DIXDC1: variants seen among roughly 807,000 people sequenced by gnomAD.
DIXDC1 encodes DIX domain containing 1.
DIXDC1 carries 64 observed loss-of-function variants against 103.1 expected under a neutral mutation model. That is an observed-to-expected ratio of 0.62 (90% CI 0.51 to 0.76). The LOEUF is 0.76. Among genes scored for constraint, DIXDC1 ranks in the 30% least tolerant of loss-of-function variants. DIXDC1 has a pLI of 0.00. For missense variants in DIXDC1, 759 were observed against 834.2 expected, an observed-to-expected ratio of 0.91 and a Z score of 1.11; for synonymous variants, 266 against 298.5, an observed-to-expected ratio of 0.89 and a Z score of 1.12.
At chr11:111,980,937 C>A in intron 6 of DIXDC1, 88 bp downstream of exon 6, 2 of 1,049,404 alleles carry the variant, frequency 1.9e-6, no homozygotes, top group Non-Finnish European at 2.9e-6. Flanking sequence ...GCTCCCTGGC[C>A]TTCCCCATCT....
intron 9 of DIXDC1, 154 bp from the exon 10 acceptor site, chr11:111,988,851 T>A: frequency 1.6e-6 from 1 of 613,928 alleles, no homozygotes; most frequent in Non-Finnish European, 2.9e-6. Context: ...CAGCCTGTAC[T>A]GCTCACTGAA....
intron 2 of DIXDC1, among the ~76,000 whole-genome samples, chr11:111,966,215 TTTTTTTTTTTTCC>T (rs1859722890): frequency 1.6e-5 from 2 of 128,634 alleles, no homozygotes; most frequent in Non-Finnish European, 3.1e-5. Flanking sequence ...GGGTTTTTTT[TTTTTTTTTTTTCC>T]TTTTTTTTTT....
chr11:111,968,105 A>G (rs1859795647), intron 2 of DIXDC1, among the ~76,000 whole-genome samples: 1 of 152,234 alleles, frequency 6.6e-6, no homozygotes. Flanking sequence ...TATCGCTACT[A>G]TGAAATTATA....
rs371524141 is a variant in DIXDC1, at chr11:111,953,955, CT to C, written c.61-10583del. 2.7e-3 allele frequency among the ~76,000 whole-genome samples: 387 copies of C among 146,038 alleles called. 1 individual carries two copies. The highest frequency in any genetic ancestry group is 5.2e-3 in the Admixed American group (76 of 14,532). On this transcript the variant is annotated intron_variant, in intron 1 of 19. Coordinates refer to ENST00000440460, the MANE Select transcript of DIXDC1 (RefSeq NM_001037954.4). ...CGCGTCTGTACTGAGTAGCTACAGA[CT>C]TTTTTTTTTTGTCATTATTCCCTAA...
rs994782764 is a variant in DIXDC1, at chr11:112,012,808, A to G, written c.1757-3883A>G. Among the ~76,000 whole-genome samples the G allele has an allele frequency of 2.0e-5, 3 of 152,172 alleles. No individual in the cohort carries two copies. The East Asian group carries it at 5.8e-4, about 29-fold the overall frequency. Reference sequence around the variant, plus strand: ...CTCTTATTTTGCTTTTTTACTTGAAAAGTCTATGCAATCCAACTCATTCTT... The same window carrying G: ...CTCTTATTTTGCTTTTTTACTTGAAGAGTCTATGCAATCCAACTCATTCTT... On this transcript the variant is annotated intron_variant, in intron 17 of 19. Coordinates refer to ENST00000440460, the MANE Select transcript of DIXDC1 (RefSeq NM_001037954.4).
At chr11:111,936,845 AGTGT>A (rs57332873), upstream of DIXDC1, among the ~76,000 whole-genome samples, 6,352 of 140,652 alleles carry the variant, frequency 0.045, 209 homozygotes, top group African/African-American at 0.089. Flanking sequence ...TTAAGTTAGC[AGTGT>A]GTGTGTGTGT....
intron 8 of DIXDC1, 122 bp from the exon 9 acceptor site, chr11:111,986,749 C>G (rs1860503919): frequency 8.3e-6 from 6 of 720,008 alleles, no homozygotes; most frequent in Non-Finnish European, 1.3e-5. Flanking sequence ...GAACTGTTTC[C>G]TGTTCTTTGT....
chr11:111,984,206 G>T (rs1392343454), intron 7 of DIXDC1, among the ~76,000 whole-genome samples: 2 of 152,146 alleles, frequency 1.3e-5, no homozygotes, highest in African/African-American at 4.8e-5. Context: ...TTGTGTGTGT[G>T]CAGGGGGGCT....
rs1555172373 is a variant in DIXDC1 at position 111,974,226 on chromosome 11, G to A, written c.520G>A (p.Gly174Arg). 1 of 1,613,676 alleles carries A rather than the reference G, an allele frequency of 6.2e-7. No homozygotes were observed. The highest frequency in any genetic ancestry group is 1.3e-5 in the African/African-American group (1 of 74,926). Residue 174 changes from glycine to arginine, a missense_variant, in exon 4 of 20, where the codon GGA (glycine) becomes AGA (arginine). Gly to Arg is a moderately radical substitution (Grantham distance 125). Coordinates refer to ENST00000440460, the MANE Select transcript of DIXDC1 (RefSeq NM_001037954.4). ...ADVCHDMSRS[G>R]RDVFRYRQRN... Reference sequence around the variant, plus strand: ...TGTGTGTCATGACATGTCCCGATCAGGACGGGATGTCTTTCGATATAGACA... The same window carrying A: ...TGTGTGTCATGACATGTCCCGATCAAGACGGGATGTCTTTCGATATAGACA...
chr11:111,959,355 C>G (rs1859496514), intron 1 of DIXDC1, among the ~76,000 whole-genome samples: 1 of 152,228 alleles, frequency 6.6e-6, no homozygotes, highest in African/African-American at 2.4e-5. Flanking sequence ...TTCCAGGCGC[C>G]ACCACATTCC....
At chr11:111,966,683 G>A (rs1859752608) in intron 2 of DIXDC1, among the ~76,000 whole-genome samples, 2 of 152,170 alleles carry the variant, frequency 1.3e-5, no homozygotes, top group African/African-American at 4.8e-5. Context: ...GATTACAGGC[G>A]TGAGCCACCG....
chr11:111,959,298 G>A (rs1242348377), intron 1 of DIXDC1, among the ~76,000 whole-genome samples: 3 of 152,224 alleles, frequency 2.0e-5, no homozygotes, highest in African/African-American at 7.2e-5. Context: ...CCAAGCCAGG[G>A]CTGTGACACC....
intron 5 of DIXDC1, among the ~76,000 whole-genome samples, chr11:111,978,679 C>T (rs1300151022): frequency 1.3e-5 from 2 of 152,232 alleles, no homozygotes; most frequent in Non-Finnish European, 2.9e-5. Flanking sequence ...CCTAGGTTCA[C>T]ACTGCACCCT....
intron 1 of DIXDC1, among the ~76,000 whole-genome samples, chr11:111,952,510 G>A (rs1358242666): frequency 6.6e-6 from 1 of 152,076 alleles, no homozygotes; most frequent in East Asian, 1.9e-4. Context: ...AACAAAGTGA[G>A]ACCCTGTCTC....
rs782676155 is a variant in DIXDC1 at position 112,018,997 on chromosome 11, A to C, written c.2013A>C (p.Lys671Asn). The C allele has an allele frequency of 1.2e-6, 2 of 1,613,566 alleles. No homozygotes were observed. The highest frequency in any genetic ancestry group is 2.2e-5 in the East Asian group (1 of 44,878). Residue 671 changes from lysine (K) to asparagine (N), a missense_variant, in exon 20 of 20, where the codon AAA becomes AAC. By Grantham distance (94) the Lys-to-Asn change is moderately conservative (BLOSUM62 0). Around this residue, in one of 3 missense-constraint regions of DIXDC1, gnomAD observed 657 missense variants for 727.5 expected, o/e 0.90. Coordinates refer to ENST00000440460, the MANE Select transcript of DIXDC1 (RefSeq NM_001037954.4). Reference sequence around the variant, plus strand: ...ATGCCATCCCTGGATGGGAAGGGAAAATTGTAGCTTGGGTGGAAGAAGACC... The same window carrying C: ...ATGCCATCCCTGGATGGGAAGGGAACATTGTAGCTTGGGTGGAAGAAGACC... ...DDDAIPGWEG[K>N]IVAWVEEDHG...
chr11:111,994,956 A>G, intron 14 of DIXDC1, 63 bp from the exon 15 acceptor site: 2 of 1,455,278 alleles, frequency 1.4e-6, no homozygotes, highest in Non-Finnish European at 1.9e-6. Flanking sequence ...GAAGAAAAAT[A>G]AGATAGCACA....
Position 111,982,300 on chromosome 11 carries a change from T to A in DIXDC1, c.770-39T>A, listed in dbSNP as rs183255842. The stretch of plus-strand genomic sequence containing the variant: ...AACGCTGTCTGCTGGAAATCAGTTT[T>A]CTTCAACATGAACTGTACTCCCTCT... On this transcript the variant is annotated intron_variant, in intron 6 of 19. Coordinates refer to ENST00000440460, the MANE Select transcript of DIXDC1 (RefSeq NM_001037954.4). The A allele has an allele frequency of 3.6e-5, 57 of 1,592,930 alleles. No individual in the cohort carries two copies. In the Middle Eastern group the frequency reaches 6.8e-4, roughly 19 times the overall value.
Position 112,016,650 on chromosome 11 carries a change from A to G in DIXDC1, c.1757-41A>G. 3 of 1,512,758 alleles carry G rather than the reference A, an allele frequency of 2.0e-6. No homozygotes were observed. In the South Asian group the frequency reaches 3.7e-5, roughly 19 times the overall value. 93.7% of individuals were successfully genotyped at this position (1,512,758 alleles called of 1,614,324 possible). On this transcript the variant is annotated intron_variant, in intron 17 of 19. Coordinates refer to ENST00000440460, the MANE Select transcript of DIXDC1 (RefSeq NM_001037954.4). ...GAATAACTGCAGATGGCTGGTTTAG[A>G]GCAAATGAATGTTCTAACCACAGTC...
At chr11:111,953,959 T>C (rs781867376) in intron 1 of DIXDC1, among the ~76,000 whole-genome samples, 31 of 152,298 alleles carry the variant, frequency 2.0e-4, no homozygotes, top group Non-Finnish European at 3.2e-4. Context: ...TACAGACTTT[T>C]TTTTTTTGTC....
Sources: allele counts gnomAD v4.1 joint callset (sites outside exome capture counted in the v4.1 genomes callset), GRCh38; gene constraint gnomAD v4.1.1; regional missense constraint gnomAD v4.1.1; transcripts MANE v1.5; gene names NCBI Gene and HGNC (gene_info 2026-07-23, HGNC 2026-07-21).